BTN2A1: variants seen among roughly 807,000 people sequenced by gnomAD.
The protein encoded by BTN2A1 is butyrophilin subfamily 2 member A1.
In BTN2A1, 41 loss-of-function variants were observed where a neutral mutation model predicts 34.5. That is an observed-to-expected ratio of 1.19 (90% CI 0.93 to 1.54). The LOEUF is 1.54. Ranked by LOEUF, BTN2A1 falls within the 40% of genes most tolerant of loss-of-function variation. The pLI is 0.00. For missense variants in BTN2A1, 642 were observed against 662.0 expected (o/e 0.97, Z 0.33); for synonymous variants, 267 against 258.6 (o/e 1.03, Z -0.31).
intron 5 of BTN2A1, 162 bp from the exon 6 acceptor site, chr6:26,465,791 C>T: frequency 2.0e-6 from 2 of 984,662 alleles, no homozygotes; most frequent in Non-Finnish European, 2.4e-6. Flanking sequence ...TACTACCCAG[C>T]CACCTGATCA....
chr6:26,475,634 A>G (rs1322563581), intron 7 of BTN2A1, among the ~76,000 whole-genome samples: 1 of 152,168 alleles, frequency 6.6e-6, no homozygotes, highest in African/African-American at 2.4e-5. Context: ...TCAGCAGGGC[A>G]TAGTGGCTCA....
Position 26,458,667 on chromosome 6 carries a change from C to T in BTN2A1, c.31C>T (p.Arg11Trp), listed in dbSNP as rs760536633. Residue 11 changes from arginine to tryptophan, a missense_variant, in exon 2 of 8, where the codon CGG becomes TGG. Physicochemically the swap from Arg to Trp is moderately radical, Grantham distance 101. Transcript: ENST00000312541. MESAAALHFS[R>W]PASLLLLLLS... The stretch of plus-strand genomic sequence containing the variant: ...ATCAGCTGCTGCCCTGCACTTCTCC[C>T]GGCCAGCCTCCCTCCTCCTCCTCCT... The T allele has an allele frequency of 2.5e-5, 41 of 1,613,956 alleles. No homozygotes were observed. In the Admixed American group the frequency reaches 5.7e-4, roughly 22 times the overall value.
chr6:26,470,021 G>A (rs1581678444), downstream of BTN2A1, among the ~76,000 whole-genome samples: 2 of 152,074 alleles, frequency 1.3e-5, no homozygotes, highest in Non-Finnish European at 2.9e-5. Flanking sequence ...TTGCACTCCA[G>A]CCTAGGCAAC....
chr6:26,471,922 A>G (rs531463738), downstream of BTN2A1, among the ~76,000 whole-genome samples: 4 of 152,304 alleles, frequency 2.6e-5, no homozygotes, highest in East Asian at 7.7e-4. Flanking sequence ...ATATGTTTGA[A>G]GAGTTTCATG....
At chr6:26,469,890 C>CA (rs369822722), downstream of BTN2A1, among the ~76,000 whole-genome samples, 5,882 of 151,890 alleles carry the variant, frequency 0.039, 298 homozygotes, top group African/African-American at 0.11. Context: ...CAAAAACAAA[C>CA]AAAAAAAATT....
intron 7 of BTN2A1, chr6:26,467,619 A>G (rs542962318): frequency 5.4e-6 from 7 of 1,305,724 alleles, no homozygotes; most frequent in Non-Finnish European, 2.1e-6. Flanking sequence ...GCCAGAGATC[A>G]TATGTCTTGG....
Position 26,458,647 on chromosome 6 carries a change from C to G in BTN2A1, c.11C>G (p.Ala4Gly), listed in dbSNP as rs1381568774. The G allele has an allele frequency of 4.3e-6, 7 of 1,614,108 alleles. No individual in the cohort carries two copies. Among genetic ancestry groups the G allele is most frequent in the Non-Finnish European group, 5.1e-6 (6 of 1,179,980 alleles). MES[A>G]AALHFSRPAS... ...CTGCTCTGGGTGCTCATGGAATCAG[C>G]TGCTGCCCTGCACTTCTCCCGGCCA... Residue 4 changes from alanine (A) to glycine (G), a missense_variant, in exon 2 of 8, where the codon GCT becomes GGT. Physicochemically the swap from Ala to Gly is moderately conservative, Grantham distance 60 (BLOSUM62 0). Transcript: ENST00000312541.
At chr6:26,472,989 A>G (rs1163693748), downstream of BTN2A1, among the ~76,000 whole-genome samples, 1 of 152,216 alleles carries the variant, frequency 6.6e-6, no homozygotes, top group African/African-American at 2.4e-5. Context: ...ACAGTGTAAA[A>G]AAACAATTAG....
In BTN2A1 at chr6:26,459,863, C is replaced by T. The variant is rs375294020; in HGVS notation, c.430+35C>T. 4 of 1,576,658 alleles carry T rather than the reference C, an allele frequency of 2.5e-6. No homozygotes were observed. In the South Asian group the frequency reaches 4.6e-5, roughly 18 times the overall value. On this transcript the variant is annotated intron_variant, in intron 3 of 7. Transcript: ENST00000312541. Reference sequence around the variant, plus strand: ...TTCATTTTGCTTTGTTACTTTGGCACAGTGTGACTTTGGGGAAAGTTTCTC... The same window carrying T: ...TTCATTTTGCTTTGTTACTTTGGCATAGTGTGACTTTGGGGAAAGTTTCTC...
chr6:26,472,865 C>A (rs1457695857), downstream of BTN2A1, among the ~76,000 whole-genome samples: 1 of 152,112 alleles, frequency 6.6e-6, no homozygotes, highest in Non-Finnish European at 1.5e-5. Context: ...AAAGCTCCCC[C>A]TGTGTGGCTG....
intron 3 of BTN2A1, chr6:26,463,019 C>G (rs1561870323): frequency 1.1e-6 from 1 of 941,938 alleles, no homozygotes; most frequent in East Asian, 3.1e-5. Context: ...GGATCCTTTC[C>G]TCTTAGAGAG....
At position 26,469,268 on chromosome 6, in the gene BTN2A1, G is replaced by T; in HGVS notation, c.*719G>T. On this transcript the variant is annotated 3_prime_UTR_variant, in exon 8 of 8. Coordinates refer to ENST00000312541, the MANE Select transcript of BTN2A1 (RefSeq NM_007049.5). ...TCCCTGAGTGTGGCTGAAATTTGAG[G>T]TCCTGGCTGAGCCAAGGAGTAATGG... 1 of 996,178 alleles carries T rather than the reference G, an allele frequency of 1.0e-6. No individual in the cohort carries two copies. The highest frequency in any genetic ancestry group is 1.2e-6 in the Non-Finnish European group (1 of 835,814). The allele number at this position is 996,178 out of a possible 1,614,324, so 61.7% of individuals were successfully genotyped here. A position where few individuals can be genotyped will look rare whatever the true frequency, so the allele number is the denominator to read the frequency against.
In BTN2A1 at chr6:26,469,188, C is replaced by T. The variant is rs896143702; in HGVS notation, c.*639C>T. On this transcript the variant is annotated 3_prime_UTR_variant, in exon 8 of 8. Transcript: ENST00000312541. ...AAGATGAATGAAGAACATGGATGCA[C>T]GTGGATGTAGTTTGGCTCAGGTGTC... 79 of 1,046,890 alleles carry T rather than the reference C, an allele frequency of 7.5e-5. No homozygotes were observed. Among genetic ancestry groups the T allele is most frequent in the Non-Finnish European group, 7.0e-5 (61 of 866,910 alleles). The allele number at this position is 1,046,890 out of a possible 1,614,324, so 64.9% of individuals were successfully genotyped here. A position where few individuals can be genotyped will look rare whatever the true frequency, so the allele number is the denominator to read the frequency against.
At position 26,468,165 on chromosome 6, in the gene BTN2A1, G is replaced by T. The variant is rs749450778; in HGVS notation, c.1200G>T (p.Val400=). 1 of 1,614,128 alleles carries T rather than the reference G, an allele frequency of 6.2e-7. No homozygotes were observed. Among genetic ancestry groups the T allele is most frequent in the Non-Finnish European group, 8.5e-7 (1 of 1,179,978 alleles). The change falls in exon 8 of 8, where the codon GTG becomes GTT. Residue 400 remains valine (V), a synonymous_variant. Transcript: ENST00000312541. ...TGGAAAACGTGATTGAGTGGACTGTGGGGGTCTGTAGAGACAGTGTTGAGA... is the reference window on the plus strand; with the variant it reads ...TGGAAAACGTGATTGAGTGGACTGTTGGGGTCTGTAGAGACAGTGTTGAGA... ...VEVENVIEWT[V]GVCRDSVERK...
chr6:26,465,125 G>C, intron 4 of BTN2A1, 60 bp from the exon 5 acceptor site: 1 of 1,447,892 alleles, frequency 6.9e-7, no homozygotes, highest in Non-Finnish European at 9.7e-7. Flanking sequence ...GCTCCTAGGG[G>C]CACTCTTACC....
downstream of BTN2A1, among the ~76,000 whole-genome samples, chr6:26,470,668 TTCTCTCTC>T (rs149184891): frequency 1.3e-5 from 2 of 151,112 alleles, no homozygotes; most frequent in Admixed American, 6.6e-5. Context: ...GAAAGGTGAA[TTCTCTCTC>T]TCTCTCTGTC....
intron 7 of BTN2A1, among the ~76,000 whole-genome samples, chr6:26,467,015 T>C (rs915729040): frequency 4.6e-5 from 7 of 152,170 alleles, no homozygotes; most frequent in Admixed American, 2.0e-4. Flanking sequence ...ACTCCCTACA[T>C]TTGCCCACAG....
chr6:26,468,470 C>A lies in BTN2A1; in HGVS notation c.1505C>A (p.Ala502Glu), dbSNP rs767634032. 3 of 1,614,190 alleles carry A rather than the reference C, an allele frequency of 1.9e-6. No homozygotes were observed. The highest frequency in any genetic ancestry group is 2.7e-5 in the African/African-American group (2 of 75,038). ...CEDSPIFICP[A>E]LTGANGVTVP... ...GACAGCCCCATCTTCATCTGCCCTGCACTCACAGGAGCCAATGGGGTCACG... is the reference window on the plus strand; with the variant it reads ...GACAGCCCCATCTTCATCTGCCCTGAACTCACAGGAGCCAATGGGGTCACG... Residue 502 changes from alanine (A) to glutamate (E), a missense_variant, in exon 8 of 8, where the codon GCA becomes GAA. Transcript: ENST00000312541.
chr6:26,474,975 C>G (rs1763514426), intron 7 of BTN2A1, among the ~76,000 whole-genome samples: 2 of 152,088 alleles, frequency 1.3e-5, no homozygotes, highest in Admixed American at 6.6e-5. Context: ...GCCGGCCAGG[C>G]TGGTACTGAA....
Sources: allele counts gnomAD v4.1 joint callset (sites outside exome capture counted in the v4.1 genomes callset), GRCh38; gene constraint gnomAD v4.1.1; transcripts MANE v1.5; gene names NCBI Gene and HGNC (gene_info 2026-07-23, HGNC 2026-07-21).